PTGER4: variants seen among roughly 807,000 people sequenced by gnomAD.
The protein encoded by PTGER4 is prostaglandin E receptor 4, also known as prostaglandin E2 receptor EP4 subtype.
In PTGER4, 11 loss-of-function variants were observed where a neutral mutation model predicts 33.2. That is an observed-to-expected ratio of 0.33 (90% CI 0.21 to 0.55). The LOEUF is 0.55. PTGER4 is among the 20% of genes least tolerant of loss of function. The probability of loss-of-function intolerance (pLI) is 0.92; values close to 1 mark genes in which losing one functional copy is unlikely to be tolerated. For missense variants in PTGER4, 481 were observed against 650.2 expected (o/e 0.74, Z 2.83); for synonymous variants, 275 against 281.5 (o/e 0.98, Z 0.23).
chr5:40,694,042 ATTTT>A (rs1293300820), downstream of PTGER4, among the ~76,000 whole-genome samples: 28 of 151,892 alleles, frequency 1.8e-4, 1 homozygote, highest in South Asian at 5.6e-3. Context: ...TGCCATTTTT[ATTTT>A]TATTTTTTTA....
chr5:40,695,999 C>T (rs1399049603), downstream of PTGER4, among the ~76,000 whole-genome samples: 1 of 152,084 alleles, frequency 6.6e-6, no homozygotes, highest in African/African-American at 2.4e-5. Context: ...GTACTGGGTA[C>T]ACTAGAAACC....
At chr5:40,712,034 A>G in the PTGER4 span, among the ~76,000 whole-genome samples, 6 of 152,258 alleles carry the variant, frequency 3.9e-5, no homozygotes, top group Non-Finnish European at 7.4e-5. Flanking sequence ...TCTCCCAACT[A>G]TAACGTTAAA....
chr5:40,685,581 C>T (rs1397659699), intron 2 of PTGER4: 1 of 340,136 alleles, frequency 2.9e-6, no homozygotes, highest in Non-Finnish European at 4.2e-6. Context: ...TAAATCATAA[C>T]ATGCAATTGC....
chr5:40,723,176 G>C, the PTGER4 span, among the ~76,000 whole-genome samples: 1 of 151,976 alleles, frequency 6.6e-6, no homozygotes, highest in South Asian at 2.1e-4. Flanking sequence ...TGTCCACTCA[G>C]GGTTAAATGG....
chr5:40,687,757 T>G (rs1263499216), intron 2 of PTGER4, among the ~76,000 whole-genome samples: 1 of 152,250 alleles, frequency 6.6e-6, no homozygotes, highest in Non-Finnish European at 1.5e-5. Context: ...TTTGGACTTT[T>G]GCTTTTTAAA....
the PTGER4 span, among the ~76,000 whole-genome samples, chr5:40,719,417 T>C: frequency 6.6e-6 from 1 of 152,260 alleles, no homozygotes; most frequent in Admixed American, 6.5e-5. Flanking sequence ...TATTTCATTG[T>C]ATGGATATAC....
At chr5:40,716,028 G>T in the PTGER4 span, 1 of 852,270 alleles carries the variant, frequency 1.2e-6, no homozygotes, top group Non-Finnish European at 1.8e-6. Context: ...TGCCTCATCT[G>T]AAAAACATAT....
the PTGER4 span, among the ~76,000 whole-genome samples, chr5:40,741,302 A>G: frequency 4.6e-5 from 7 of 152,130 alleles, no homozygotes; most frequent in African/African-American, 1.4e-4. Context: ...TAGTCATTCT[A>G]CTAAGAAATA....
chr5:40,692,659 G>A lies in PTGER4; in HGVS notation c.*281G>A, dbSNP rs1388338951. 4.4e-6 allele frequency: 5 copies of A among 1,134,288 alleles called. No homozygotes were observed. The highest frequency in any genetic ancestry group is 5.4e-6 in the Non-Finnish European group (5 of 923,348). The allele number at this position is 1,134,288 out of a possible 1,614,324, so 70.3% of individuals were successfully genotyped here. ...CCTCCGTTTTTCTACTAGATAGGAG[G>A]ATGGTAGAAGTTTGGCTGCTGTCAT... On this transcript the variant is annotated 3_prime_UTR_variant, in exon 3 of 3. Transcript: ENST00000302472.
At chr5:40,688,947 C>T (rs1380820586) in intron 2 of PTGER4, among the ~76,000 whole-genome samples, 1 of 152,178 alleles carries the variant, frequency 6.6e-6, no homozygotes, top group Non-Finnish European at 1.5e-5. Context: ...ATTTTATTCT[C>T]TGAGATTTAC....
chr5:40,683,175 A>G lies in PTGER4; in HGVS notation c.867+1315A>G, dbSNP rs1741240516. Among the ~76,000 whole-genome samples the G allele has an allele frequency of 1.3e-5, 2 of 152,196 alleles. No homozygotes were observed. Among genetic ancestry groups the G allele is most frequent in the Non-Finnish European group, 1.5e-5 (1 of 68,026 alleles). On this transcript the variant is annotated intron_variant, in intron 2 of 2. Transcript: ENST00000302472. The surrounding 1 kb of genome is among the most constrained non-coding windows in gnomAD (Gnocchi z 4.2). The stretch of plus-strand genomic sequence containing the variant: ...TGGGAACAAGAGAATATAAAATGTA[A>G]TGGGCTATTATTCCTTCCTTTTCCT...
chr5:40,688,948 T>C (rs945974785), intron 2 of PTGER4, among the ~76,000 whole-genome samples: 2 of 152,202 alleles, frequency 1.3e-5, no homozygotes, highest in African/African-American at 2.4e-5. Flanking sequence ...TTTTATTCTC[T>C]GAGATTTACA....
rs201312121 is a variant in PTGER4 at position 40,681,900 on chromosome 5, C to T, written c.867+40C>T. The T allele has an allele frequency of 1.4e-6, 2 of 1,477,166 alleles. No individual in the cohort carries two copies. The highest frequency in any genetic ancestry group is 1.8e-6 in the Non-Finnish European group (2 of 1,118,322). 91.5% of individuals were successfully genotyped at this position (1,477,166 alleles called of 1,614,324 possible). A position where few individuals can be genotyped will look rare whatever the true frequency, so the allele number is the denominator to read the frequency against. ...CTGGGGCCCTACTCGGCCTTTTTCTCGCATCCACCTCCCGCGTCCATTCCC... is the reference window on the plus strand; with the variant it reads ...CTGGGGCCCTACTCGGCCTTTTTCTTGCATCCACCTCCCGCGTCCATTCCC... On this transcript the variant is annotated intron_variant, in intron 2 of 2. Coordinates refer to ENST00000302472, the MANE Select transcript of PTGER4 (RefSeq NM_000958.3). The surrounding 1 kb of genome is among the most constrained non-coding windows in gnomAD (Gnocchi z 9.8).
chr5:40,722,624 G>T, the PTGER4 span, among the ~76,000 whole-genome samples: 1 of 151,352 alleles, frequency 6.6e-6, no homozygotes, highest in Non-Finnish European at 1.5e-5. Context: ...GAGCCCCTCC[G>T]CCCAGCAGCT....
At chr5:40,682,819 T>C (rs1025950257) in intron 2 of PTGER4, among the ~76,000 whole-genome samples, 3 of 152,214 alleles carry the variant, frequency 2.0e-5, no homozygotes, top group Admixed American at 6.5e-5. Flanking sequence ...ACATCACGTC[T>C]CCCTCGTAGA....
chr5:40,724,161 G>T, the PTGER4 span, among the ~76,000 whole-genome samples: 1 of 152,024 alleles, frequency 6.6e-6, no homozygotes, highest in African/African-American at 2.4e-5. Flanking sequence ...AAAGCAAATG[G>T]TATACACACA....
chr5:40,718,794 T>G, the PTGER4 span, among the ~76,000 whole-genome samples: 1 of 148,684 alleles, frequency 6.7e-6, no homozygotes, highest in Non-Finnish European at 1.5e-5. Flanking sequence ...CCAGCTAATT[T>G]GGAGGCTGAG....
At chr5:40,685,537 A>T (rs752755288) in intron 2 of PTGER4, 61 of 910,974 alleles carry the variant, frequency 6.7e-5, no homozygotes, top group Non-Finnish European at 7.6e-5. Flanking sequence ...AATTTGGCTA[A>T]GTTTAAAAAA....
At chr5:40,741,820 C>G in the PTGER4 span, among the ~76,000 whole-genome samples, 1 of 152,138 alleles carries the variant, frequency 6.6e-6, no homozygotes, top group East Asian at 1.9e-4. Context: ...AAAACCCCAT[C>G]TCTACTAAAA....
Sources: gnomAD v4.1 joint callset for allele counts (sites outside exome capture counted in the v4.1 genomes callset) on GRCh38, gnomAD v4.1.1 for gene constraint, Gnocchi (gnomAD v3.1) non-coding constraint, MANE v1.5 for transcripts, NCBI Gene and HGNC (gene_info 2026-07-23, HGNC 2026-07-21) for gene names.